The following LHFPL3 variants were observed in gnomAD, a reference collection of about 807,000 sequenced individuals.
LHFPL3 encodes the protein LHFPL tetraspan subfamily member 3, also known as LHFPL tetraspan subfamily member 3 protein.
A neutral mutation model predicts 19.3 loss-of-function variants in LHFPL3; 5 were observed. The ratio of observed to expected loss-of-function variants is 0.26; its 90% CI spans 0.14 to 0.54. The LOEUF is 0.54. Ranked by LOEUF, LHFPL3 falls within the 20% of genes least tolerant of loss-of-function variation. The pLI, the probability that LHFPL3 is intolerant of heterozygous loss-of-function variation, is 0.94. For missense variants in LHFPL3, 249 were observed against 307.4 expected (o/e 0.81, Z 1.42); for synonymous variants, 133 against 126.2 (o/e 1.05, Z -0.36).
At chr7:104,643,586 C>T (rs191092132) in intron 1 of LHFPL3, among the ~76,000 whole-genome samples, 1 of 152,248 alleles carries the variant, frequency 6.6e-6, no homozygotes, top group Admixed American at 6.5e-5. Context: ...CCACAGAGGG[C>T]TTGCGGTCAG....
Position 104,551,020 on chromosome 7 carries a change from C to T in LHFPL3, c.446-185655C>T, listed in dbSNP as rs111405084. ...GGTTATATTTAGCTCAGCTATAGAC[C>T]TTGACCTTTTCAATAGACTGCAAGA... On this transcript the variant is annotated intron_variant, in intron 1 of 2. Coordinates refer to ENST00000424859, the MANE Select transcript of LHFPL3 (RefSeq NM_199000.3). 2.6e-3 allele frequency among the ~76,000 whole-genome samples: 401 copies of T among 152,036 alleles called. 2 individuals are homozygous for T. The highest frequency in any genetic ancestry group is 9.1e-3 in the African/African-American group (379 of 41,512).
chr7:104,681,332 T>C (rs1288030234), intron 1 of LHFPL3, among the ~76,000 whole-genome samples: 1 of 151,990 alleles, frequency 6.6e-6, no homozygotes, highest in Non-Finnish European at 1.5e-5. Context: ...AATTATTTAT[T>C]GAAGGGAAGG....
intron 2 of LHFPL3, chr7:104,798,204 A>T (rs914035394): frequency 6.6e-6 from 1 of 152,254 alleles, no homozygotes; most frequent in Non-Finnish European, 1.5e-5. Flanking sequence ...AACAAAAGAA[A>T]AAGATTATTC....
Position 104,873,057 on chromosome 7 carries a change from T to C in LHFPL3, c.683-33130T>C, listed in dbSNP as rs184766876. Among the ~76,000 whole-genome samples the C allele has an allele frequency of 2.6e-5, 4 of 152,322 alleles. No homozygotes were observed. The East Asian group carries it at 7.7e-4, about 29-fold the overall frequency. ...CAACAGCTACAATGTCATTAAACAA[T>C]AGGAATTTTTCAGCTCAATTTTAAT... On this transcript the variant is annotated intron_variant, in intron 2 of 2. Coordinates refer to ENST00000424859, the MANE Select transcript of LHFPL3 (RefSeq NM_199000.3).
At chr7:104,776,338 C>A (rs1405104676) in intron 2 of LHFPL3, among the ~76,000 whole-genome samples, 1 of 152,240 alleles carries the variant, frequency 6.6e-6, no homozygotes, top group Admixed American at 6.5e-5. Context: ...ATGGGACTCC[C>A]CATCCCCACC....
At chr7:104,398,587 C>T (rs946776753) in intron 1 of LHFPL3, among the ~76,000 whole-genome samples, 22 of 152,116 alleles carry the variant, frequency 1.4e-4, no homozygotes, top group Non-Finnish European at 8.8e-5. Flanking sequence ...TCATTTAATT[C>T]TCACATCCAT....
chr7:104,611,642 C>G (rs1341271512), intron 1 of LHFPL3, among the ~76,000 whole-genome samples: 1 of 152,004 alleles, frequency 6.6e-6, no homozygotes, highest in Non-Finnish European at 1.5e-5. Context: ...TTTTTCCCTT[C>G]ATCTTCTCAT....
At chr7:104,811,055 T>C (rs757661631) in intron 2 of LHFPL3, among the ~76,000 whole-genome samples, 1 of 152,246 alleles carries the variant, frequency 6.6e-6, no homozygotes, top group African/African-American at 2.4e-5. Context: ...GGCTTTAGGT[T>C]AGAGTCAGAA....
chr7:104,622,314 T>C (rs184383297), intron 1 of LHFPL3, among the ~76,000 whole-genome samples: 49 of 152,288 alleles, frequency 3.2e-4, no homozygotes, highest in Middle Eastern at 3.4e-3. Flanking sequence ...AGTTTTGCCA[T>C]GTGGCCCAGG....
chr7:104,672,319 C>T (rs1351113839), intron 1 of LHFPL3, among the ~76,000 whole-genome samples: 1 of 152,296 alleles, frequency 6.6e-6, no homozygotes, highest in African/African-American at 2.4e-5. Context: ...CCTCATTACA[C>T]TACCACCTGG....
intron 1 of LHFPL3, among the ~76,000 whole-genome samples, chr7:104,459,631 A>G (rs1792618367): frequency 6.6e-6 from 1 of 152,206 alleles, no homozygotes; most frequent in South Asian, 2.1e-4. Flanking sequence ...CACTCAAGCA[A>G]TAGTCAGAAA....
chr7:104,765,277 C>T (rs1226182774), intron 2 of LHFPL3, among the ~76,000 whole-genome samples: 1 of 152,188 alleles, frequency 6.6e-6, no homozygotes, highest in Non-Finnish European at 1.5e-5. Context: ...CTAGCAGGCT[C>T]CTAAGGAGCT....
At chr7:104,616,430 G>A (rs1290579729) in intron 1 of LHFPL3, among the ~76,000 whole-genome samples, 1 of 152,150 alleles carries the variant, frequency 6.6e-6, no homozygotes, top group African/African-American at 2.4e-5. Flanking sequence ...AAACTGGCTA[G>A]CCATATGCAG....
At chr7:104,398,966 A>G (rs1791253944) in intron 1 of LHFPL3, among the ~76,000 whole-genome samples, 1 of 152,104 alleles carries the variant, frequency 6.6e-6, no homozygotes, top group African/African-American at 2.4e-5. Flanking sequence ...TTTGGAGGGC[A>G]GGGGTTAGGT....
chr7:104,797,338 C>T (rs2116463752), intron 2 of LHFPL3, among the ~76,000 whole-genome samples: 1 of 152,274 alleles, frequency 6.6e-6, no homozygotes, highest in Admixed American at 6.5e-5. Flanking sequence ...AGACTTGTTG[C>T]AGTCAATGAG....
chr7:104,352,202 C>T (rs1790191489), intron 1 of LHFPL3, among the ~76,000 whole-genome samples: 1 of 151,180 alleles, frequency 6.6e-6, no homozygotes, highest in African/African-American at 2.4e-5. Context: ...ATCATTATTC[C>T]CTTCTGTAAA....
chr7:104,394,071 C>T (rs1791133768), intron 1 of LHFPL3, among the ~76,000 whole-genome samples: 1 of 152,158 alleles, frequency 6.6e-6, no homozygotes, highest in African/African-American at 2.4e-5. Context: ...TTAATTTGTA[C>T]ACTTTAAAAG....
chr7:104,845,948 A>G (rs1791304876), intron 2 of LHFPL3, among the ~76,000 whole-genome samples: 1 of 152,270 alleles, frequency 6.6e-6, no homozygotes, highest in Admixed American at 6.5e-5. Flanking sequence ...GGCTAAAATG[A>G]GCCACGGAGA....
intron 2 of LHFPL3, among the ~76,000 whole-genome samples, chr7:104,787,963 CT>C (rs1789952959): frequency 6.6e-6 from 1 of 152,156 alleles, no homozygotes; most frequent in African/African-American, 2.4e-5. Context: ...ATTAAAGGGG[CT>C]TGGAGAGACA....
Sources: allele counts gnomAD v4.1 joint callset (sites outside exome capture counted in the v4.1 genomes callset), GRCh38; gene constraint gnomAD v4.1.1; transcripts MANE v1.5; gene names NCBI Gene and HGNC (gene_info 2026-07-23, HGNC 2026-07-21).